The following SPO11 variants were observed in gnomAD, a reference collection of about 807,000 sequenced individuals.
SPO11 encodes the protein SPO11 initiator of meiotic double strand breaks, also known as meiotic recombination protein SPO11.
SPO11 carries 49 observed loss-of-function variants against 51.6 expected under a neutral mutation model. That is an observed-to-expected ratio of 0.95 (90% CI 0.75 to 1.20). SPO11 has a LOEUF of 1.20. Among genes scored for constraint, SPO11 ranks in the 50% most tolerant of loss-of-function variants. The probability of loss-of-function intolerance (pLI) is 0.00; values close to 1 mark genes in which losing one functional copy is unlikely to be tolerated. For missense variants in SPO11, 431 were observed against 473.4 expected, an observed-to-expected ratio of 0.91 and a Z score of 0.83; for synonymous variants, 176 against 158.2, an observed-to-expected ratio of 1.11 and a Z score of -0.84.
At chr20:57,342,917 T>C in intron 12 of SPO11, 77 bp downstream of exon 12, 1 of 998,416 alleles carries the variant, frequency 1.0e-6, no homozygotes, top group Non-Finnish European at 1.5e-6. Flanking sequence ...ACATCGTATT[T>C]TGAAAATATC....
chr20:57,340,025 A>C, intron 10 of SPO11, 77 bp from the exon 11 acceptor site: 1 of 1,007,064 alleles, frequency 9.9e-7, no homozygotes, highest in Non-Finnish European at 1.6e-6. Context: ...TAATAAGTGA[A>C]AAATTTGACT....
Position 57,337,864 on chromosome 20 carries a change from C to T in SPO11, c.745-412C>T, listed in dbSNP as rs1262442080. The T allele has an allele frequency of 7.2e-6, 5 of 696,458 alleles. No homozygotes were observed. The African/African-American group carries it at 7.6e-5, about 11-fold the overall frequency. The allele number at this position is 696,458 out of a possible 1,614,324, so 43.1% of individuals were successfully genotyped here. A position where few individuals can be genotyped will look rare whatever the true frequency, so the allele number is the denominator to read the frequency against. ...TGCAGAGTACTAACCGTTGTATGAGCATAACCTATAATTTATTATTACTAT... is the reference window on the plus strand; with the variant it reads ...TGCAGAGTACTAACCGTTGTATGAGTATAACCTATAATTTATTATTACTAT... On this transcript the variant is annotated intron_variant, in intron 8 of 12. Coordinates refer to ENST00000371263, the MANE Select transcript of SPO11 (RefSeq NM_012444.3).
chr20:57,335,732 C>T, intron 7 of SPO11, 66 bp from the exon 8 acceptor site: 3 of 999,600 alleles, frequency 3.0e-6, no homozygotes, highest in South Asian at 1.4e-5. Flanking sequence ...CTATATGGCA[C>T]CTTAATTTAG....
chr20:57,343,437 T>G lies in SPO11; in HGVS notation c.1168T>G (p.Leu390Val). 3.1e-6 allele frequency: 5 copies of G among 1,598,044 alleles called. No homozygotes were observed. Among genetic ancestry groups the G allele is most frequent in the Non-Finnish European group, 4.3e-6 (5 of 1,175,676 alleles). ...TTCCAGAGTGTACTTACCTAACAAA[T>G]TAAAATTTGGAGGATGGATATAAAA... Reference protein sequence around the residue: ...YLSRVYLPNKLKFGGWI With the variant: ...YLSRVYLPNKVKFGGWI The change falls in exon 13 of 13, where the codon TTA (leucine) becomes GTA (valine). Residue 390 changes from leucine to valine, a missense_variant. Transcript: ENST00000371263.
rs771874270 is a variant in SPO11, at chr20:57,331,845, T to G, written c.144T>G (p.Leu48=). The G allele has an allele frequency of 6.3e-7, 1 of 1,583,674 alleles. No homozygotes were observed. Among genetic ancestry groups the G allele is most frequent in the Non-Finnish European group, 8.6e-7 (1 of 1,165,382 alleles). ...GSRLASSSEV[L]ASIENIIQDI... ...TTTATTGTTTCAGTTCTGAGGTTCT[T>G]GCATCTATAGAAAATATTATCCAAG... The change falls in exon 2 of 13, where the codon CTT becomes CTG. Residue 48 remains leucine (L), a synonymous_variant. Coordinates refer to ENST00000371263, the MANE Select transcript of SPO11 (RefSeq NM_012444.3).
rs986202580 is a variant in SPO11, at chr20:57,334,792, A to G, written c.553A>G (p.Ile185Val). 1 of 1,613,960 alleles carries G rather than the reference A, an allele frequency of 6.2e-7. No homozygotes were observed. The highest frequency in any genetic ancestry group is 8.5e-7 in the Non-Finnish European group (1 of 1,179,896). Reference protein sequence around the residue: ...KGLIAGNLRYIEEDGTKVNCT... With the variant: ...KGLIAGNLRYVEEDGTKVNCT... ...TTTAATTGCTGGCAACTTAAGATAC[A>G]TCGAGGAAGATGGCACCAAAGTGAA... Residue 185 changes from isoleucine (I) to valine (V), a missense_variant, in exon 6 of 13, where the codon ATC becomes GTC. Physicochemically the swap from Ile to Val is conservative, Grantham distance 29. Coordinates refer to ENST00000371263, the MANE Select transcript of SPO11 (RefSeq NM_012444.3).
At chr20:57,342,991 A>C (rs2066601803) in intron 12 of SPO11, 151 bp downstream of exon 12, 1 of 657,038 alleles carries the variant, frequency 1.5e-6, no homozygotes. Flanking sequence ...AGTTGTTGAA[A>C]TTGAGTCATA....
At position 57,340,299 on chromosome 20, in the gene SPO11, A is replaced by G. The variant is rs1368724874; in HGVS notation, c.959+121A>G. ...ATGTTTTTTATTTATATTGTCCACGATGACTTATGATTATGTAATTATGAA... is the reference window on the plus strand; with the variant it reads ...ATGTTTTTTATTTATATTGTCCACGGTGACTTATGATTATGTAATTATGAA... On this transcript the variant is annotated intron_variant, in intron 11 of 12. Transcript: ENST00000371263. 10 of 592,266 alleles carry G rather than the reference A, an allele frequency of 1.7e-5. 1 individual carries two copies. Among genetic ancestry groups the G allele is most frequent in the Middle Eastern group, 8.1e-4 (2 of 2,466 alleles). 36.7% of individuals were successfully genotyped at this position (592,266 alleles called of 1,614,324 possible).
At chr20:57,330,155 C>G (rs1445686882) in intron 1 of SPO11, among the ~76,000 whole-genome samples, 157 bp downstream of exon 1, 1 of 152,182 alleles carries the variant, frequency 6.6e-6, no homozygotes, top group African/African-American at 2.4e-5. Context: ...GTACCCGTGA[C>G]CTGCTTTGAA....
intron 2 of SPO11, among the ~76,000 whole-genome samples, chr20:57,332,968 A>G (rs1397651345): frequency 6.6e-6 from 1 of 152,186 alleles, no homozygotes; most frequent in African/African-American, 2.4e-5. Context: ...CATTTATGTT[A>G]AATGGTTTAT....
At chr20:57,342,658 C>G in intron 11 of SPO11, 71 bp from the exon 12 acceptor site, 1 of 901,960 alleles carries the variant, frequency 1.1e-6, no homozygotes, top group South Asian at 1.5e-5. Flanking sequence ...ACCATAAATA[C>G]AGGCAAAATA....
chr20:57,332,465 C>G (rs1490741992), intron 2 of SPO11, among the ~76,000 whole-genome samples: 1 of 152,222 alleles, frequency 6.6e-6, no homozygotes, highest in Non-Finnish European at 1.5e-5. Context: ...CAGCAAACAG[C>G]TTTATCAGAA....
intron 11 of SPO11, 67 bp from the exon 12 acceptor site, chr20:57,342,662 C>A: frequency 1.0e-6 from 1 of 959,206 alleles, no homozygotes; most frequent in Non-Finnish European, 1.6e-6. Context: ...TAAATACAGG[C>A]AAAATACAGG....
At chr20:57,340,240 A>G in intron 11 of SPO11, 62 bp downstream of exon 11, 1 of 1,087,934 alleles carries the variant, frequency 9.2e-7, no homozygotes, top group South Asian at 1.3e-5. Context: ...ATGTAACAAT[A>G]AGCCTAAAAA....
chr20:57,333,395 TA>T, intron 3 of SPO11, 119 bp downstream of exon 3: 1 of 690,412 alleles, frequency 1.4e-6, no homozygotes. Context: ...CTTTCATACA[TA>T]AAATAAATTT....
chr20:57,340,024 A>G, intron 10 of SPO11, 78 bp from the exon 11 acceptor site: 3 of 994,100 alleles, frequency 3.0e-6, no homozygotes, highest in Non-Finnish European at 3.2e-6. Flanking sequence ...TTAATAAGTG[A>G]AAAATTTGAC....
intron 10 of SPO11, among the ~76,000 whole-genome samples, chr20:57,339,272 A>G (rs913230333): frequency 6.6e-6 from 1 of 151,496 alleles, no homozygotes; most frequent in African/African-American, 2.4e-5. Flanking sequence ...ATTATCCTGC[A>G]CTCTCTTGGC....
In SPO11 at chr20:57,334,794, C is replaced by A; in HGVS notation, c.555C>A (p.Ile185=). The A allele has an allele frequency of 6.2e-7, 1 of 1,613,802 alleles. No individual in the cohort carries two copies. Among genetic ancestry groups the A allele is most frequent in the Non-Finnish European group, 8.5e-7 (1 of 1,179,842 alleles). Residue 185 remains isoleucine, a synonymous_variant, in exon 6 of 13, where the codon ATC becomes ATA. Coordinates refer to ENST00000371263, the MANE Select transcript of SPO11 (RefSeq NM_012444.3). ...KGLIAGNLRY[I]EEDGTKVNCT... is the part of the protein sequence containing the mutation. ...TAATTGCTGGCAACTTAAGATACATCGAGGAAGATGGCACCAAAGTGAATT... is the reference window on the plus strand; with the variant it reads ...TAATTGCTGGCAACTTAAGATACATAGAGGAAGATGGCACCAAAGTGAATT...
rs1029400482 is a variant in SPO11, at chr20:57,340,190, T to G, written c.959+12T>G. 6.5e-7 allele frequency: 1 copy of G among 1,530,192 alleles called. No individual in the cohort carries two copies. Among genetic ancestry groups the G allele is most frequent in the African/African-American group, 1.4e-5 (1 of 73,370 alleles). The allele number at this position is 1,530,192 out of a possible 1,614,324, so 94.8% of individuals were successfully genotyped here. On this transcript the variant is annotated intron_variant, in intron 11 of 12. Transcript: ENST00000371263. ...TCTGATCTTAAAAGGTTAGATAGTATAGCAGAACTAGGATATTTAAAATGA... is the reference window on the plus strand; with the variant it reads ...TCTGATCTTAAAAGGTTAGATAGTAGAGCAGAACTAGGATATTTAAAATGA...
Sources: allele counts gnomAD v4.1 joint callset (sites outside exome capture counted in the v4.1 genomes callset), GRCh38; gene constraint gnomAD v4.1.1; transcripts MANE v1.5; gene names NCBI Gene and HGNC (gene_info 2026-07-23, HGNC 2026-07-21).